The following RAB3C variants were observed in gnomAD, a reference collection of about 807,000 sequenced individuals.
The protein encoded by RAB3C is ras-related protein Rab-3C.
A neutral mutation model predicts 26.4 loss-of-function variants in RAB3C; 17 were observed. That is an observed-to-expected ratio of 0.64 (90% CI 0.44 to 0.97). The LOEUF is 0.97. Ranked by LOEUF, RAB3C falls within the 50% of genes least tolerant of loss-of-function variation. The probability of loss-of-function intolerance (pLI) is 0.00; values close to 1 mark genes in which losing one functional copy is unlikely to be tolerated. For synonymous variants in RAB3C, 91 were observed against 95.9 expected (o/e 0.95, Z 0.30); for missense variants, 242 against 281.9 (o/e 0.86, Z 1.01).
intron 3 of RAB3C, among the ~76,000 whole-genome samples, chr5:58,804,245 T>C (rs932231193): frequency 9.2e-5 from 14 of 152,288 alleles, no homozygotes; most frequent in Non-Finnish European, 2.1e-4. Flanking sequence ...CAGCTATATT[T>C]TTTAATTGTC....
At chr5:58,802,676 G>A (rs1388475920) in intron 3 of RAB3C, among the ~76,000 whole-genome samples, 3 of 152,126 alleles carry the variant, frequency 2.0e-5, no homozygotes, top group African/African-American at 4.8e-5. Flanking sequence ...GTGAAATATA[G>A]CAATAGGTGA....
At chr5:58,624,219 T>A (rs1747006574) in intron 2 of RAB3C, among the ~76,000 whole-genome samples, 1 of 152,144 alleles carries the variant, frequency 6.6e-6, no homozygotes, top group South Asian at 2.1e-4. Flanking sequence ...GAGATCGAAT[T>A]CCACTGCTGC....
chr5:58,678,200 A>G (rs981639500), intron 2 of RAB3C, among the ~76,000 whole-genome samples: 4 of 152,194 alleles, frequency 2.6e-5, no homozygotes, highest in Non-Finnish European at 5.9e-5. Context: ...TAAATTCCTA[A>G]GTATTTTTCA....
intron 3 of RAB3C, among the ~76,000 whole-genome samples, chr5:58,787,104 T>C (rs1296894294): frequency 6.6e-6 from 1 of 152,140 alleles, no homozygotes; most frequent in Non-Finnish European, 1.5e-5. Context: ...ACAGCACGCA[T>C]TGGGCAACAG....
At chr5:58,755,584 C>T (rs971741760) in intron 3 of RAB3C, among the ~76,000 whole-genome samples, 1 of 152,186 alleles carries the variant, frequency 6.6e-6, no homozygotes, top group African/African-American at 2.4e-5. Context: ...TGGCTGATGG[C>T]ATCTGCAAGA....
chr5:58,600,187 C>T (rs765674855), intron 1 of RAB3C, among the ~76,000 whole-genome samples: 3 of 152,092 alleles, frequency 2.0e-5, no homozygotes, highest in Non-Finnish European at 2.9e-5. Context: ...CTATTCTGTT[C>T]CATTGGTCTA....
chr5:58,773,575 A>T (rs1259011704), intron 3 of RAB3C, among the ~76,000 whole-genome samples: 1 of 152,110 alleles, frequency 6.6e-6, no homozygotes, highest in African/African-American at 2.4e-5. Flanking sequence ...CTAATGAGTA[A>T]ATACCAACAT....
chr5:58,750,677 A>G (rs1404539429), intron 3 of RAB3C, among the ~76,000 whole-genome samples: 1 of 152,230 alleles, frequency 6.6e-6, no homozygotes, highest in African/African-American at 2.4e-5. Flanking sequence ...ATATGTAGAA[A>G]TGATTCCCCT....
chr5:58,769,634 T>G (rs1238143504), intron 3 of RAB3C, among the ~76,000 whole-genome samples: 4 of 152,236 alleles, frequency 2.6e-5, no homozygotes, highest in African/African-American at 7.2e-5. Flanking sequence ...TTATTAGATT[T>G]GGACTTTTCA....
chr5:58,718,421 G>C (rs987296210), intron 2 of RAB3C, among the ~76,000 whole-genome samples: 1 of 151,962 alleles, frequency 6.6e-6, no homozygotes, highest in Non-Finnish European at 1.5e-5. Flanking sequence ...ACTGAAAATG[G>C]AGTCAAAGGC....
chr5:58,836,192 G>A (rs1289206519), intron 4 of RAB3C, among the ~76,000 whole-genome samples: 1 of 152,018 alleles, frequency 6.6e-6, no homozygotes, highest in Non-Finnish European at 1.5e-5. Flanking sequence ...TGGTTTCTTA[G>A]TGGTTCTAGA....
intron 2 of RAB3C, among the ~76,000 whole-genome samples, chr5:58,674,141 G>T (rs1239308233): frequency 1.3e-5 from 2 of 152,128 alleles, no homozygotes; most frequent in African/African-American, 4.8e-5. Context: ...AGGGAATATA[G>T]AAATGGTATA....
At chr5:58,800,912 A>G (rs1216194072) in intron 3 of RAB3C, among the ~76,000 whole-genome samples, 1 of 152,116 alleles carries the variant, frequency 6.6e-6, no homozygotes, top group African/African-American at 2.4e-5. Flanking sequence ...ATCAATTCTG[A>G]GTCACTTTCT....
intron 3 of RAB3C, among the ~76,000 whole-genome samples, chr5:58,808,222 C>G (rs1379999203): frequency 1.0e-5 from 1 of 97,378 alleles, no homozygotes; most frequent in African/African-American, 7.2e-5. Context: ...AAGACTCCGT[C>G]TCAAAAAAAA....
chr5:58,821,921 T>C (rs907637135), intron 3 of RAB3C, among the ~76,000 whole-genome samples: 4 of 152,270 alleles, frequency 2.6e-5, no homozygotes, highest in Non-Finnish European at 5.9e-5. Flanking sequence ...TGCCACTTTC[T>C]ATTCAATGAT....
intron 2 of RAB3C, among the ~76,000 whole-genome samples, chr5:58,664,520 TA>T (rs1221222002): frequency 6.6e-6 from 1 of 151,890 alleles, no homozygotes; most frequent in Non-Finnish European, 1.5e-5. Flanking sequence ...GCAACATGAG[TA>T]ATCAACATGA....
In RAB3C at chr5:58,828,901, C is replaced by CTTTTTTTTTTT. The variant is rs762653092; in HGVS notation, c.496+3750_496+3760dup. The stretch of plus-strand genomic sequence containing the variant: ...CTATAGCTGGTGTTATTTTACCATG[C>CTTTTTTTTTTT]TTTTTTTTTTTTTTTTTTTTTGGAT... On this transcript the variant is annotated intron_variant, in intron 4 of 4. Coordinates refer to ENST00000282878, the MANE Select transcript of RAB3C (RefSeq NM_138453.4). Among the ~76,000 whole-genome samples the CTTTTTTTTTTT allele has an allele frequency of 4.9e-5, 6 of 122,446 alleles. 2 individuals carry two copies. Among genetic ancestry groups the CTTTTTTTTTTT allele is most frequent in the Non-Finnish European group, 1.0e-4 (6 of 57,840 alleles). The allele number at this position is 122,446 out of a possible 152,430, so 80.3% of individuals were successfully genotyped here. A position where few individuals can be genotyped will look rare whatever the true frequency, so the allele number is the denominator to read the frequency against.
At chr5:58,680,438 A>G (rs1224340375) in intron 2 of RAB3C, among the ~76,000 whole-genome samples, 1 of 152,258 alleles carries the variant, frequency 6.6e-6, no homozygotes, top group African/African-American at 2.4e-5. Context: ...AACAAAAACA[A>G]AAAATTGCTC....
chr5:58,839,011 G>A (rs1448688662), intron 4 of RAB3C, among the ~76,000 whole-genome samples: 5 of 151,498 alleles, frequency 3.3e-5, no homozygotes, highest in Admixed American at 6.6e-5. Flanking sequence ...ACTGCTGCAA[G>A]TATAGCTATC....
Sources: allele counts gnomAD v4.1 joint callset (sites outside exome capture counted in the v4.1 genomes callset), GRCh38; gene constraint gnomAD v4.1.1; transcripts MANE v1.5; gene names NCBI Gene and HGNC (gene_info 2026-07-23, HGNC 2026-07-21).